ZCCHC7: variants seen among roughly 807,000 people sequenced by gnomAD.
ZCCHC7 encodes zinc finger CCHC-type containing 7, also known as zinc finger CCHC domain-containing protein 7.
Under a neutral mutation model 52.0 loss-of-function variants are expected in ZCCHC7, and 35 were observed. That is an observed-to-expected ratio of 0.67 (90% CI 0.51 to 0.89). The LOEUF (loss-of-function observed/expected upper bound fraction) is 0.89. Ranked by LOEUF, ZCCHC7 falls within the 40% of genes least tolerant of loss-of-function variation. The pLI, the probability that ZCCHC7 is intolerant of heterozygous loss-of-function variation, is 0.00. For missense variants in ZCCHC7, 574 were observed against 649.1 expected, an observed-to-expected ratio of 0.88 and a Z score of 1.26; for synonymous variants, 217 against 221.5, an observed-to-expected ratio of 0.98 and a Z score of 0.18.
At chr9:37,326,386 A>C (rs977932395) in intron 5 of ZCCHC7, among the ~76,000 whole-genome samples, 1 of 151,872 alleles carries the variant, frequency 6.6e-6, no homozygotes, top group African/African-American at 2.4e-5. Flanking sequence ...GGATATAATA[A>C]GTGGGTTTTT....
chr9:37,205,781 G>T (rs1351905069), intron 2 of ZCCHC7, among the ~76,000 whole-genome samples: 1 of 152,126 alleles, frequency 6.6e-6, no homozygotes, highest in Non-Finnish European at 1.5e-5. Flanking sequence ...TTCCCAAAGT[G>T]CTGGGATTAC....
intron 2 of ZCCHC7, among the ~76,000 whole-genome samples, chr9:37,231,201 C>T (rs1006540158): frequency 6.6e-6 from 1 of 152,188 alleles, no homozygotes; most frequent in Non-Finnish European, 1.5e-5. Context: ...CCGCCTCAGC[C>T]TCCCAAAGTA....
intron 2 of ZCCHC7, among the ~76,000 whole-genome samples, chr9:37,279,816 G>A (rs150949784): frequency 1.3e-5 from 2 of 151,758 alleles, no homozygotes; most frequent in African/African-American, 4.8e-5. Flanking sequence ...ATATTAATCA[G>A]GTAAGTAAAC....
chr9:37,305,674 A>G lies in ZCCHC7; in HGVS notation c.911A>G (p.Lys304Arg). The change falls in exon 5 of 9, where the codon AAA becomes AGA. Residue 304 changes from lysine (K) to arginine (R), a missense_variant. Transcript: ENST00000336755. The part of the protein sequence containing the change: ...HSCLFRHSWD[K>R]QCDRCHMLGH... ...TGTCTTTTCAGACATTCCTGGGATA[A>G]ACAGTGTGACCGATGTCATATGCTA... 1.3e-5 allele frequency: 21 copies of G among 1,614,122 alleles called. No homozygotes were observed. Among genetic ancestry groups the G allele is most frequent in the Non-Finnish European group, 1.7e-5 (20 of 1,180,002 alleles).
At chr9:37,308,760 C>T (rs1438504741) in intron 5 of ZCCHC7, among the ~76,000 whole-genome samples, 2 of 151,986 alleles carry the variant, frequency 1.3e-5, no homozygotes, top group Admixed American at 6.6e-5. Context: ...GCAGGTGGAT[C>T]ACGAGGTCAA....
chr9:37,243,255 C>T (rs1436425647), intron 2 of ZCCHC7, among the ~76,000 whole-genome samples: 1 of 151,572 alleles, frequency 6.6e-6, no homozygotes, highest in African/African-American at 2.4e-5. Context: ...ATAGATCTAC[C>T]GTGTAAAATT....
chr9:37,268,974 A>G (rs909306733), intron 2 of ZCCHC7, among the ~76,000 whole-genome samples: 5 of 152,226 alleles, frequency 3.3e-5, no homozygotes, highest in Admixed American at 2.0e-4. Context: ...TATGGAGGCC[A>G]AGGAAGGCTT....
chr9:37,262,443 CTTATACTA>C (rs1826911125), intron 2 of ZCCHC7, among the ~76,000 whole-genome samples: 1 of 152,136 alleles, frequency 6.6e-6, no homozygotes, highest in Non-Finnish European at 1.5e-5. Context: ...GTTGCAATAA[CTTATACTA>C]TTATACTTCA....
intron 6 of ZCCHC7, among the ~76,000 whole-genome samples, chr9:37,348,307 C>T (rs1190426208): frequency 2.6e-5 from 4 of 151,350 alleles, no homozygotes; most frequent in Non-Finnish European, 5.9e-5. Flanking sequence ...TCCTTTCCCT[C>T]ATTCCCCACG....
At chr9:37,233,307 C>G (rs1348168259) in intron 2 of ZCCHC7, among the ~76,000 whole-genome samples, 4 of 151,736 alleles carry the variant, frequency 2.6e-5, no homozygotes, top group Non-Finnish European at 5.9e-5. Context: ...AAAATAATAC[C>G]AAATGCTGTC....
chr9:37,178,698 G>A (rs1173823243), intron 2 of ZCCHC7, among the ~76,000 whole-genome samples: 2 of 152,158 alleles, frequency 1.3e-5, no homozygotes, highest in Non-Finnish European at 2.9e-5. Flanking sequence ...CGTATTTTGA[G>A]TTTACAGATA....
chr9:37,176,728 G>C (rs895835286), intron 2 of ZCCHC7, among the ~76,000 whole-genome samples: 1 of 151,962 alleles, frequency 6.6e-6, no homozygotes, highest in South Asian at 2.1e-4. Context: ...TTAATCTACC[G>C]GTGTCTAAAC....
chr9:37,153,455 GCCA>G (rs1337995415), intron 2 of ZCCHC7, among the ~76,000 whole-genome samples: 2 of 151,968 alleles, frequency 1.3e-5, no homozygotes, highest in Non-Finnish European at 2.9e-5. Context: ...ACAGGTGTGA[GCCA>G]CCACACCCTG....
chr9:37,257,777 C>T (rs527934736), intron 2 of ZCCHC7, among the ~76,000 whole-genome samples: 13 of 152,208 alleles, frequency 8.5e-5, no homozygotes, highest in African/African-American at 2.6e-4. Flanking sequence ...CTGTGTGACT[C>T]GCCTGCTCGC....
At chr9:37,269,884 A>G (rs1026845646) in intron 2 of ZCCHC7, among the ~76,000 whole-genome samples, 11 of 152,112 alleles carry the variant, frequency 7.2e-5, no homozygotes, top group African/African-American at 2.2e-4. Context: ...TGAGGCACCT[A>G]GGCCAGTTGA....
rs547411654 is a variant in ZCCHC7 at position 37,257,802 on chromosome 9, C to T, written c.611-44386C>T. Reference sequence around the variant, plus strand: ...CGCCTGCTCGCCCTTTGCCTTCTGCCATGATTCTAAGTTTCCTGAGCCCTC... The same window carrying T: ...CGCCTGCTCGCCCTTTGCCTTCTGCTATGATTCTAAGTTTCCTGAGCCCTC... On this transcript the variant is annotated intron_variant, in intron 2 of 8. Coordinates refer to ENST00000336755, the MANE Select transcript of ZCCHC7 (RefSeq NM_032226.3). Among the ~76,000 whole-genome samples, 14 of 152,178 alleles carry T rather than the reference C, an allele frequency of 9.2e-5. No individual in the cohort carries two copies. In the East Asian group the frequency reaches 2.7e-3, roughly 29 times the overall value.
chr9:37,170,699 C>G (rs1278832779), intron 2 of ZCCHC7, among the ~76,000 whole-genome samples: 1 of 152,152 alleles, frequency 6.6e-6, no homozygotes, highest in Admixed American at 6.5e-5. Flanking sequence ...TATTTCTATT[C>G]TACTCATCGA....
At chr9:37,339,187 A>G (rs1830816773) in intron 6 of ZCCHC7, among the ~76,000 whole-genome samples, 1 of 152,232 alleles carries the variant, frequency 6.6e-6, no homozygotes, top group South Asian at 2.1e-4. Flanking sequence ...AAAGCTTTAA[A>G]AACAGCACTC....
At chr9:37,192,477 G>A (rs1404982451) in intron 2 of ZCCHC7, among the ~76,000 whole-genome samples, 3 of 152,142 alleles carry the variant, frequency 2.0e-5, no homozygotes, top group African/African-American at 7.2e-5. Context: ...GAAATATATG[G>A]AAGAATAAAA....
Sources: gnomAD v4.1 joint callset for allele counts (sites outside exome capture counted in the v4.1 genomes callset) on GRCh38, gnomAD v4.1.1 for gene constraint, MANE v1.5 for transcripts, NCBI Gene and HGNC (gene_info 2026-07-23, HGNC 2026-07-21) for gene names.